OFD1: variants seen among roughly 807,000 people sequenced by gnomAD.
The protein encoded by OFD1 is OFD1 centriole and centriolar satellite protein.
A neutral mutation model predicts 81.4 loss-of-function variants in OFD1; 12 were observed. The observed-to-expected ratio is 0.15, with a 90% confidence interval of 0.09 to 0.24. The LOEUF (loss-of-function observed/expected upper bound fraction) is 0.24, where lower values mean the gene tolerates loss of function less well. Among genes scored for constraint, OFD1 ranks in the 10% least tolerant of loss-of-function variants. The pLI is 1.00. For missense variants in OFD1, 685 were observed against 733.9 expected, an observed-to-expected ratio of 0.93 and a Z score of 0.77; for synonymous variants, 256 against 263.7, an observed-to-expected ratio of 0.97 and a Z score of 0.28.
chrX:13,767,946 A>G (rs1364195971), intron 20 of OFD1, 108 bp from the exon 21 acceptor site: 5 of 785,379 alleles, frequency 6.4e-6, no homozygotes, highest in Non-Finnish European at 9.3e-6. Context: ...GTCCTCTGGC[A>G]TACAGGCTGT....
At chrX:13,716,375 T>TC in the OFD1 span, 1 of 664,908 alleles carries the variant, frequency 1.5e-6, no homozygotes. Context: ...AAAATGTTTT[T>TC]CCCCCCTAAA....
intron 10 of OFD1, chrX:13,752,554 A>G: frequency 2.9e-6 from 1 of 350,612 alleles, no homozygotes; most frequent in South Asian, 4.0e-5. Flanking sequence ...GATGTATTTT[A>G]CCCACATCTT....
chrX:13,726,665 A>G, the OFD1 span, among the ~76,000 whole-genome samples: 2 of 112,119 alleles, frequency 1.8e-5, no homozygotes, highest in African/African-American at 3.2e-5. Context: ...CAAATTGTAA[A>G]AGACCATTGA....
intron 11 of OFD1, among the ~76,000 whole-genome samples, chrX:13,754,936 A>C (rs1386414172): frequency 8.9e-6 from 1 of 112,653 alleles, no homozygotes; most frequent in Non-Finnish European, 1.9e-5. Context: ...TCTGGTTAGC[A>C]TGTATAGCAA....
intron 19 of OFD1, among the ~76,000 whole-genome samples, chrX:13,766,820 C>T (rs984438304): frequency 9.0e-6 from 1 of 110,753 alleles, no homozygotes; most frequent in Non-Finnish European, 1.9e-5. Context: ...GCAGGGTTTG[C>T]CTTGGAAAGG....
At chrX:13,765,102 T>G (rs1184889517) in intron 19 of OFD1, among the ~76,000 whole-genome samples, 2 of 112,249 alleles carry the variant, frequency 1.8e-5, no homozygotes, top group African/African-American at 6.5e-5. Flanking sequence ...ATATTTGCTT[T>G]AAAAATTATT....
rs2047882772 is a variant in OFD1, at chrX:13,760,426, G to A, written c.1966G>A (p.Val656Ile). Residue 656 changes from valine to isoleucine, a missense_variant, in exon 16 of 23, where the codon GTC becomes ATC. Val to Ile is a conservative substitution (Grantham distance 29). Coordinates refer to ENST00000340096, the MANE Select transcript of OFD1 (RefSeq NM_003611.3). ...GGCTTTCAGAAGTTACCATCGGAGA[G>A]TCATTAAAAACTCTGCCAAAAGCCC... ...EKAFRSYHRR[V>I]IKNSAKSPLA... is the part of the protein sequence containing the mutation. 2.5e-6 allele frequency: 3 copies of A among 1,194,377 alleles called. No individual in the cohort carries two copies. The East Asian group carries it at 8.9e-5, about 35-fold the overall frequency.
the OFD1 span, among the ~76,000 whole-genome samples, chrX:13,717,229 A>G: frequency 1.8e-5 from 2 of 110,403 alleles, no homozygotes; most frequent in African/African-American, 6.6e-5. Flanking sequence ...CATGGAGCTT[A>G]CATGACAGCG....
chrX:13,745,325 G>A (rs1181952581), intron 6 of OFD1, among the ~76,000 whole-genome samples: 1 of 111,837 alleles, frequency 8.9e-6, no homozygotes, highest in Non-Finnish European at 1.9e-5. Flanking sequence ...AAAAAGAAAC[G>A]GGTGAAATTT....
At position 13,760,517 on chromosome X, in the gene OFD1, C is replaced by T. The variant is rs1211756016; in HGVS notation, c.2057C>T (p.Ser686Phe). 1 of 1,169,126 alleles carries T rather than the reference C, an allele frequency of 8.6e-7. No individual in the cohort carries two copies. The highest frequency in any genetic ancestry group is 2.0e-5 in the South Asian group (1 of 49,835). ...GCCTTCAAAAACATTACTTCCAGTT[C>T]CCCGGAAAGACATATTTTTGGAGAG... is the stretch of plus-strand genomic sequence containing the variant. ...LEAFKNITSS[S>F]PERHIFGEDR... Residue 686 changes from serine to phenylalanine, a missense_variant, in exon 16 of 23, where the codon TCC (serine) becomes TTC (phenylalanine). Physicochemically the swap from Ser to Phe is radical, Grantham distance 155. Coordinates refer to ENST00000340096, the MANE Select transcript of OFD1 (RefSeq NM_003611.3).
At chrX:13,716,805 TTA>T in the OFD1 span, 21 of 702,585 alleles carry the variant, frequency 3.0e-5, no homozygotes, top group Non-Finnish European at 3.9e-5. Flanking sequence ...TTATACTTTG[TTA>T]TTGTCATGAG....
At position 13,761,488 on chromosome X, in the gene OFD1, C is replaced by T. The variant is rs759310773; in HGVS notation, c.2387+277C>T. Reference sequence around the variant, plus strand: ...GCAATCTGGTATTAATAAGCATCTTCCTAGTTCTGTGAATAGATTTGGTTT... The same window carrying T: ...GCAATCTGGTATTAATAAGCATCTTTCTAGTTCTGTGAATAGATTTGGTTT... On this transcript the variant is annotated intron_variant, in intron 17 of 22. Transcript: ENST00000340096. Among the ~76,000 whole-genome samples, 6 of 111,677 alleles carry T rather than the reference C, an allele frequency of 5.4e-5. No homozygotes were observed. In the South Asian group the frequency reaches 1.9e-3, roughly 35 times the overall value.
At chrX:13,771,913 A>G (rs187363498), downstream of OFD1, 1 of 112,596 alleles carries the variant, frequency 8.9e-6, no homozygotes, top group Admixed American at 9.4e-5. Context: ...GTCTGTGGTC[A>G]ATTTGCAATT....
chrX:13,734,794 C>G lies in OFD1; in HGVS notation c.-278C>G. 1 of 1,073,140 alleles carries G rather than the reference C, an allele frequency of 9.3e-7. No individual in the cohort carries two copies. The highest frequency in any genetic ancestry group is 1.2e-6 in the Non-Finnish European group (1 of 834,013). 88.4% of individuals were successfully genotyped at this position (1,073,140 alleles called of 1,213,427 possible). A position where few individuals can be genotyped will look rare whatever the true frequency, so the allele number is the denominator to read the frequency against. On this transcript the variant is annotated 5_prime_UTR_variant, in exon 1 of 23. Coordinates refer to ENST00000340096, the MANE Select transcript of OFD1 (RefSeq NM_003611.3). Reference sequence around the variant, plus strand: ...CCTCGCTGCCTTCAGTCCCTAGTGTCTGGGTCCCCGCCCTCCAGCCGCCTT... The same window carrying G: ...CCTCGCTGCCTTCAGTCCCTAGTGTGTGGGTCCCCGCCCTCCAGCCGCCTT...
intron 20 of OFD1, 66 bp downstream of exon 20, chrX:13,767,350 G>A: frequency 9.0e-7 from 1 of 1,105,295 alleles, no homozygotes; most frequent in Non-Finnish European, 1.3e-6. Context: ...AGTACATTGA[G>A]CTCAGGGAGG....
At chrX:13,762,262 G>A in intron 17 of OFD1, 82 bp from the exon 18 acceptor site, 1 of 610,614 alleles carries the variant, frequency 1.6e-6, no homozygotes. Flanking sequence ...GCCTTTTCTT[G>A]AGTCACAAAA....
chrX:13,734,020 T>G, upstream of OFD1: 2 of 514,789 alleles, frequency 3.9e-6, no homozygotes, highest in Non-Finnish European at 7.0e-6. Flanking sequence ...TAATTACATT[T>G]AAGCATCATG....
At chrX:13,746,742 A>G in intron 7 of OFD1, 38 bp from the exon 8 acceptor site, 1 of 1,058,123 alleles carries the variant, frequency 9.5e-7, no homozygotes, top group Non-Finnish European at 1.3e-6. Context: ...TTATAGTATA[A>G]TAGTTGGTAT....
chrX:13,773,522 A>ATTTTGGTT (rs2048342549), downstream of OFD1: 2 of 111,949 alleles, frequency 1.8e-5, no homozygotes, highest in African/African-American at 6.5e-5. Flanking sequence ...GAAAAAATTA[A>ATTTTGGTT]ATGAATGTCA....
Sources: gnomAD v4.1 joint callset for allele counts (sites outside exome capture counted in the v4.1 genomes callset) on GRCh38, gnomAD v4.1.1 for gene constraint, MANE v1.5 for transcripts, NCBI Gene and HGNC (gene_info 2026-07-23, HGNC 2026-07-21) for gene names.